The following GJD4 variants were observed in gnomAD, a reference collection of about 807,000 sequenced individuals.
The protein encoded by GJD4 is gap junction protein delta 4.
In GJD4, 18 loss-of-function variants were observed where a neutral mutation model predicts 17.9. The observed-to-expected ratio is 1.00, with a 90% CI of 0.69 to 1.49. The LOEUF (loss-of-function observed/expected upper bound fraction) is 1.49, where lower values mean the gene tolerates loss of function less well. GJD4 is among the 40% of genes most tolerant of loss of function. The pLI, the probability that GJD4 is intolerant of heterozygous loss-of-function variation, is 0.00. For synonymous variants in GJD4, 293 were observed against 236.8 expected, an observed-to-expected ratio of 1.24 and a Z score of -2.18; for missense variants, 639 against 506.9, an observed-to-expected ratio of 1.26 and a Z score of -2.50.
chr10:35,608,892 C>A lies in GJD4; in HGVS notation c.*266C>A. On this transcript the variant is annotated 3_prime_UTR_variant, in exon 2 of 2. Coordinates refer to ENST00000321660, the MANE Select transcript of GJD4 (RefSeq NM_153368.3). ...GATCGAGGCTGCAGTGAGCCAAGAT[C>A]ACGGCACTGCGCTGCAGCCTGGGCA... 3.2e-6 allele frequency: 1 copy of A among 308,984 alleles called. No individual in the cohort carries two copies. The highest frequency in any genetic ancestry group is 5.8e-6 in the Non-Finnish European group (1 of 173,800). The allele number at this position is 308,984 out of a possible 1,614,324, so 19.1% of individuals were successfully genotyped here.
Position 35,608,079 on chromosome 10 carries a change from C to G in GJD4, c.566C>G (p.Ser189Trp). The part of the protein sequence containing the change: ...PCTGVVDCYV[S>W]RPTEKSLLML... Reference sequence around the variant, plus strand: ...ACGGGCGTGGTGGACTGCTACGTGTCGCGGCCCACAGAGAAGTCCCTGCTG... The same window carrying G: ...ACGGGCGTGGTGGACTGCTACGTGTGGCGGCCCACAGAGAAGTCCCTGCTG... The change falls in exon 2 of 2, where the codon TCG (serine) becomes TGG (tryptophan). Residue 189 changes from serine to tryptophan, a missense_variant. Physicochemically the swap from Ser to Trp is radical, Grantham distance 177. Transcript: ENST00000321660. 1 of 1,608,908 alleles carries G rather than the reference C, an allele frequency of 6.2e-7. No homozygotes were observed. Among genetic ancestry groups the G allele is most frequent in the Middle Eastern group, 1.7e-4 (1 of 6,034 alleles).
At chr10:35,607,216 C>A (rs1835466256) in intron 1 of GJD4, 2 of 236,582 alleles carry the variant, frequency 8.5e-6, no homozygotes, top group African/African-American at 2.2e-5. Context: ...AAAATCTACT[C>A]ATCTTGAAGC....
chr10:35,608,148 G>T lies in GJD4; in HGVS notation c.635G>T (p.Gly212Val). ...GTCAGCGCGCTGTCTTTTCTGCTGG[G>T]CCTCGCCGACCTGGTCTGCAGCCTG... ...WAVSALSFLL[G>V]LADLVCSLRR... is the part of the protein sequence containing the mutation. Residue 212 changes from glycine (G) to valine (V), a missense_variant, in exon 2 of 2, where the codon GGC becomes GTC. Coordinates refer to ENST00000321660, the MANE Select transcript of GJD4 (RefSeq NM_153368.3). The T allele has an allele frequency of 6.2e-7, 1 of 1,607,070 alleles. No individual in the cohort carries two copies. Among genetic ancestry groups the T allele is most frequent in the African/African-American group, 1.3e-5 (1 of 74,880 alleles).
chr10:35,608,778 A>G lies in GJD4; in HGVS notation c.*152A>G, dbSNP rs1835499270. 1 of 562,110 alleles carries G rather than the reference A, an allele frequency of 1.8e-6. No homozygotes were observed. The allele number at this position is 562,110 out of a possible 1,614,324, so 34.8% of individuals were successfully genotyped here. On this transcript the variant is annotated 3_prime_UTR_variant, in exon 2 of 2. Coordinates refer to ENST00000321660, the MANE Select transcript of GJD4 (RefSeq NM_153368.3). ...ATAATGAGACCCTCGTCTCTACAAA[A>G]TATCTAAAAATTAGCTGGGCACAGT...
At position 35,608,174 on chromosome 10, in the gene GJD4, C is replaced by T. The variant is rs764218355; in HGVS notation, c.661C>T (p.Arg221Trp). 4.9e-5 allele frequency: 79 copies of T among 1,600,056 alleles called. No individual in the cohort carries two copies. The highest frequency in any genetic ancestry group is 4.7e-4 in the East Asian group (21 of 44,352). ...LGLADLVCSL[R>W]RRMRRRPGPP... The stretch of plus-strand genomic sequence containing the variant: ...CCTCGCCGACCTGGTCTGCAGCCTG[C>T]GGCGGCGGATGCGCAGGAGGCCGGG... The change falls in exon 2 of 2, where the codon CGG becomes TGG. Residue 221 changes from arginine (R) to tryptophan (W), a missense_variant. By Grantham distance (101) the Arg-to-Trp change is moderately radical. Coordinates refer to ENST00000321660, the MANE Select transcript of GJD4 (RefSeq NM_153368.3).
In GJD4 at chr10:35,608,680, T is replaced by G; in HGVS notation, c.*54T>G. The G allele has an allele frequency of 7.7e-7, 1 of 1,307,046 alleles. No homozygotes were observed. The highest frequency in any genetic ancestry group is 1.5e-5 in the South Asian group (1 of 64,640). The allele number at this position is 1,307,046 out of a possible 1,614,324, so 81.0% of individuals were successfully genotyped here. A position where few individuals can be genotyped will look rare whatever the true frequency, so the allele number is the denominator to read the frequency against. On this transcript the variant is annotated 3_prime_UTR_variant, in exon 2 of 2. Transcript: ENST00000321660. ...GCTCACGCCTGTAATCCCAACACTT[T>G]GGGAGGCCCAGGCAGGAGGATCGTT...
rs754768151 is a variant in GJD4, at chr10:35,605,530, T to C, written c.-38T>C. On this transcript the variant is annotated 5_prime_UTR_variant, in exon 1 of 2. Transcript: ENST00000321660. Reference sequence around the variant, plus strand: ...CTCCTTGGAGAACACAGCCCTCCAGTGTCTCCTGCAGCCTGGAGCCTGGGA... The same window carrying C: ...CTCCTTGGAGAACACAGCCCTCCAGCGTCTCCTGCAGCCTGGAGCCTGGGA... 4 of 1,549,564 alleles carry C rather than the reference T, an allele frequency of 2.6e-6. No homozygotes were observed. The East Asian group carries it at 6.7e-5, about 26-fold the overall frequency.
In GJD4 at chr10:35,608,104, G is replaced by C. The variant is rs1835484647; in HGVS notation, c.591G>C (p.Leu197=). The C allele has an allele frequency of 6.2e-7, 1 of 1,609,968 alleles. No homozygotes were observed. The highest frequency in any genetic ancestry group is 8.5e-7 in the Non-Finnish European group (1 of 1,178,560). ...CGCGGCCCACAGAGAAGTCCCTGCT[G>C]ATGCTGTTCCTCTGGGCGGTCAGCG... ...YVSRPTEKSL[L]MLFLWAVSAL... is the part of the protein sequence containing the mutation. Residue 197 remains leucine (L), a synonymous_variant, in exon 2 of 2, where the codon CTG becomes CTC. Transcript: ENST00000321660.
Position 35,608,914 on chromosome 10 carries a change from G to C in GJD4, c.*288G>C, listed in dbSNP as rs1273956019. On this transcript the variant is annotated 3_prime_UTR_variant, in exon 2 of 2. Transcript: ENST00000321660. The stretch of plus-strand genomic sequence containing the variant: ...GATCACGGCACTGCGCTGCAGCCTG[G>C]GCAACACAGTGAGACCCTGTCAAAA... The C allele has an allele frequency of 3.1e-6, 1 of 318,028 alleles. No homozygotes were observed. The highest frequency in any genetic ancestry group is 5.6e-6 in the Non-Finnish European group (1 of 178,288). The allele number at this position is 318,028 out of a possible 1,614,324, so 19.7% of individuals were successfully genotyped here.
In GJD4 at chr10:35,607,589, T is replaced by C; in HGVS notation, c.76T>C (p.Phe26Leu). Residue 26 changes from phenylalanine to leucine, a missense_variant, in exon 2 of 2, where the codon TTC (phenylalanine) becomes CTC (leucine). Physicochemically the swap from Phe to Leu is conservative, Grantham distance 22. Transcript: ENST00000321660. ...TTCCTCTCTTCCAGGAAAGCTCTGG[T>C]TCGTCCTCACGATGCTGCTGCGGAT... Reference protein sequence around the residue: ...CNVTMVGKLWFVLTMLLRMLV... With the variant: ...CNVTMVGKLWLVLTMLLRMLV... 3 of 1,613,956 alleles carry C rather than the reference T, an allele frequency of 1.9e-6. No homozygotes were observed. Among genetic ancestry groups the C allele is most frequent in the Non-Finnish European group, 2.5e-6 (3 of 1,179,826 alleles).
chr10:35,608,252 G>T lies in GJD4; in HGVS notation c.739G>T (p.Glu247Ter). Residue 247 changes from glutamate to a stop codon, truncating the protein, a stop_gained, in exon 2 of 2, where the codon GAG becomes TAG. Transcript: ENST00000321660. LOFTEE classifies it high-confidence loss of function. ...RKQSGASGHA[E>*]GRRTDEEGGR... ...GCAGAGCGGAGCCTCAGGCCACGCG[G>T]AGGGACGCCGGACTGACGAGGAGGG... is the stretch of plus-strand genomic sequence containing the variant. 1 of 1,576,662 alleles carries T rather than the reference G, an allele frequency of 6.3e-7. No individual in the cohort carries two copies. The highest frequency in any genetic ancestry group is 8.6e-7 in the Non-Finnish European group (1 of 1,166,846).
rs756177143 is a variant in GJD4, at chr10:35,608,044, C to A, written c.531C>A (p.Arg177=). Residue 177 remains arginine (R), a synonymous_variant, in exon 2 of 2, where the codon CGC becomes CGA. Transcript: ENST00000321660. ...FLAPKKFPCT[R]PPCTGVVDCY... is the part of the protein sequence containing the mutation. ...CCCCGAAGAAGTTCCCTTGCACGCG[C>A]CCTCCGTGCACGGGCGTGGTGGACT... The A allele has an allele frequency of 9.3e-6, 15 of 1,610,374 alleles. No homozygotes were observed. The South Asian group carries it at 1.3e-4, about 14-fold the overall frequency.
At position 35,608,013 on chromosome 10, in the gene GJD4, T is replaced by G. The variant is rs146377807; in HGVS notation, c.500T>G (p.Phe167Cys). Residue 167 changes from phenylalanine (F) to cysteine (C), a missense_variant, in exon 2 of 2, where the codon TTC (phenylalanine) becomes TGC (cysteine). Coordinates refer to ENST00000321660, the MANE Select transcript of GJD4 (RefSeq NM_153368.3). ...FGALHYFLFGFLAPKKFPCTR... is the reference protein window; with the variant it reads ...FGALHYFLFGCLAPKKFPCTR... Reference sequence around the variant, plus strand: ...GCCTTGCACTACTTTCTCTTTGGATTCCTGGCCCCGAAGAAGTTCCCTTGC... The same window carrying G: ...GCCTTGCACTACTTTCTCTTTGGATGCCTGGCCCCGAAGAAGTTCCCTTGC... 1.8e-4 allele frequency: 290 copies of G among 1,611,752 alleles called. No individual in the cohort carries two copies. Among genetic ancestry groups the G allele is most frequent in the Non-Finnish European group, 2.4e-4 (286 of 1,179,516 alleles).
At position 35,607,415 on chromosome 10, in the gene GJD4, G is replaced by C. The variant is rs1835468757; in HGVS notation, c.65-163G>C. ...AGCCTGGGCAATATAGCACGACCCT[G>C]TGTCCAACAACAACAACAACGACAA... is the stretch of plus-strand genomic sequence containing the variant. On this transcript the variant is annotated intron_variant, in intron 1 of 1. Transcript: ENST00000321660. 7.9e-6 allele frequency: 5 copies of C among 635,388 alleles called. No individual in the cohort carries two copies. The East Asian group carries it at 1.4e-4, about 17-fold the overall frequency. 39.4% of individuals were successfully genotyped at this position (635,388 alleles called of 1,614,324 possible).
chr10:35,608,230 G>C lies in GJD4; in HGVS notation c.717G>C (p.Gln239His), dbSNP rs1325679167. 1 of 1,586,478 alleles carries C rather than the reference G, an allele frequency of 6.3e-7. No homozygotes were observed. The highest frequency in any genetic ancestry group is 1.1e-5 in the South Asian group (1 of 88,618). The change falls in exon 2 of 2, where the codon CAG becomes CAC. Residue 239 changes from glutamine (Q) to histidine (H), a missense_variant. Gln to His is a conservative substitution (Grantham distance 24). Coordinates refer to ENST00000321660, the MANE Select transcript of GJD4 (RefSeq NM_153368.3). The part of the protein sequence containing the change: ...GPPTSPSIRK[Q>H]SGASGHAEGR... The stretch of plus-strand genomic sequence containing the variant: ...CCACAAGCCCCTCCATCCGGAAGCA[G>C]AGCGGAGCCTCAGGCCACGCGGAGG...
In GJD4 at chr10:35,605,408, A is replaced by G; in HGVS notation, c.-160A>G. The G allele has an allele frequency of 1.5e-6, 1 of 671,912 alleles. No homozygotes were observed. The highest frequency in any genetic ancestry group is 2.7e-6 in the Non-Finnish European group (1 of 376,004). 41.6% of individuals were successfully genotyped at this position (671,912 alleles called of 1,614,324 possible). A position where few individuals can be genotyped will look rare whatever the true frequency, so the allele number is the denominator to read the frequency against. On this transcript the variant is annotated 5_prime_UTR_variant, in exon 1 of 2. Transcript: ENST00000321660. ...GGCTTAGGGCCGTCTCAACTTGGAGACAGAAAAACCCACCTCCTACTCCTG... is the reference window on the plus strand; with the variant it reads ...GGCTTAGGGCCGTCTCAACTTGGAGGCAGAAAAACCCACCTCCTACTCCTG...
Position 35,608,123 on chromosome 10 carries a change from G to T in GJD4, c.610G>T (p.Val204Phe). Residue 204 changes from valine to phenylalanine, a missense_variant, in exon 2 of 2, where the codon GTC (valine) becomes TTC (phenylalanine). Transcript: ENST00000321660. ...KSLLMLFLWA[V>F]SALSFLLGLA... Reference sequence around the variant, plus strand: ...CCTGCTGATGCTGTTCCTCTGGGCGGTCAGCGCGCTGTCTTTTCTGCTGGG... The same window carrying T: ...CCTGCTGATGCTGTTCCTCTGGGCGTTCAGCGCGCTGTCTTTTCTGCTGGG... 1 of 1,609,874 alleles carries T rather than the reference G, an allele frequency of 6.2e-7. No individual in the cohort carries two copies. The highest frequency in any genetic ancestry group is 8.5e-7 in the Non-Finnish European group (1 of 1,178,948).
rs772866255 is a variant in GJD4 at position 35,605,654 on chromosome 10, A to G, written c.64+23A>G. The G allele has an allele frequency of 5.1e-6, 8 of 1,573,400 alleles. No homozygotes were observed. In the East Asian group the frequency reaches 1.8e-4, roughly 35 times the overall value. ...TGGGTGAGTATTGGGACCATCTCCA[A>G]ACTCCTGCGCTGTTTTTATTTCCAC... is the stretch of plus-strand genomic sequence containing the variant. On this transcript the variant is annotated intron_variant, in intron 1 of 1. Coordinates refer to ENST00000321660, the MANE Select transcript of GJD4 (RefSeq NM_153368.3).
At position 35,608,422 on chromosome 10, in the gene GJD4, C is replaced by T; in HGVS notation, c.909C>T (p.Ser303=). The T allele has an allele frequency of 1.3e-6, 2 of 1,549,352 alleles. No homozygotes were observed. Among genetic ancestry groups the T allele is most frequent in the South Asian group, 2.4e-5 (2 of 84,042 alleles). Reference sequence around the variant, plus strand: ...AGAGTGAGGTGACATCCTCCGCCAGCGAAAAGCTGGGCAGACAGCCCCGGG... The same window carrying T: ...AGAGTGAGGTGACATCCTCCGCCAGTGAAAAGCTGGGCAGACAGCCCCGGG... ...EDESEVTSSA[S]EKLGRQPRGR... is the part of the protein sequence containing the mutation. The change falls in exon 2 of 2, where the codon AGC becomes AGT. Residue 303 remains serine (S), a synonymous_variant. Transcript: ENST00000321660.
Sources: allele counts gnomAD v4.1 joint callset, GRCh38; gene constraint gnomAD v4.1.1; transcripts MANE v1.5; gene names NCBI Gene and HGNC (gene_info 2026-07-23, HGNC 2026-07-21).